Variants in DCBLD2 observed in about 807,000 individuals in gnomAD.
The protein encoded by DCBLD2 is discoidin, CUB and LCCL domain-containing protein 2.
DCBLD2 carries 54 observed loss-of-function variants against 86.8 expected under a neutral mutation model. That is an observed-to-expected ratio of 0.62 (90% CI 0.50 to 0.78). DCBLD2 has a LOEUF of 0.78. Ranked by LOEUF, DCBLD2 falls within the 30% of genes least tolerant of loss-of-function variation. The probability of loss-of-function intolerance (pLI) is 0.00; values close to 1 mark genes in which losing one functional copy is unlikely to be tolerated. For missense variants in DCBLD2, 908 were observed against 954.2 expected (o/e 0.95, Z 0.64); for synonymous variants, 354 against 341.3 (o/e 1.04, Z -0.41).
chr3:98,886,657 T>C (rs1163241316), intron 1 of DCBLD2, among the ~76,000 whole-genome samples: 2 of 151,998 alleles, frequency 1.3e-5, no homozygotes, highest in African/African-American at 2.4e-5. Context: ...CAGCTAAGAA[T>C]AAACACTGGA....
At chr3:98,851,293 C>T (rs192752587) in intron 2 of DCBLD2, among the ~76,000 whole-genome samples, 34 of 151,232 alleles carry the variant, frequency 2.2e-4, no homozygotes, top group Admixed American at 1.8e-3. Flanking sequence ...CATTCCTATA[C>T]ACCAATAACA....
At chr3:98,862,276 A>T (rs1943058199) in intron 2 of DCBLD2, among the ~76,000 whole-genome samples, 1 of 152,198 alleles carries the variant, frequency 6.6e-6, no homozygotes, top group South Asian at 2.1e-4. Context: ...TCACAGCCAA[A>T]TTCTACCAGA....
chr3:98,845,136 A>G lies in DCBLD2; in HGVS notation c.571+4325T>C, dbSNP rs377496865. ...ACTTTTCCTTTCACTATCTTTCAAA[A>G]ATGAGGTTTATAGGTGAAAATGGAA... On this transcript the variant is annotated intron_variant, in intron 3 of 15. Transcript: ENST00000326840. 3.3e-5 allele frequency among the ~76,000 whole-genome samples: 5 copies of G among 152,226 alleles called. No individual in the cohort carries two copies. The East Asian group carries it at 5.8e-4, about 18-fold the overall frequency.
chr3:98,842,475 T>G (rs1386087891), intron 3 of DCBLD2, among the ~76,000 whole-genome samples: 1 of 152,220 alleles, frequency 6.6e-6, no homozygotes, highest in Non-Finnish European at 1.5e-5. Flanking sequence ...TAATTTATAG[T>G]GATTCAGAGC....
intron 2 of DCBLD2, among the ~76,000 whole-genome samples, chr3:98,863,168 T>G (rs1943077682): frequency 6.6e-6 from 1 of 152,166 alleles, no homozygotes; most frequent in Non-Finnish European, 1.5e-5. Context: ...TTACAAGGGA[T>G]GTGAAGGACC....
At chr3:98,900,767 G>A in intron 1 of DCBLD2, 1 of 323,022 alleles carries the variant, frequency 3.1e-6, no homozygotes, top group Non-Finnish European at 5.9e-6. Context: ...CCTTCCTACA[G>A]TGTCCATCCA....
Position 98,849,467 on chromosome 3 carries a change from T to C in DCBLD2, c.565A>G (p.Lys189Glu), listed in dbSNP as rs755096057. ...GFLASYSVIDKQDLITCLDTA... is the reference protein window; with the variant it reads ...GFLASYSVIDEQDLITCLDTA... ...TGCAAAAGGTGAAAATTACCTTGTT[T>C]ATCTATAACAGAGTATGAGGCCAAA... is the stretch of plus-strand genomic sequence containing the variant. The change falls in exon 3 of 16, where the codon AAA becomes GAA. Residue 189 changes from lysine to glutamate, a missense_variant. Around this residue, in one of 3 missense-constraint regions of DCBLD2, gnomAD observed 294 missense variants for 256.0 expected, o/e 1.15. Transcript: ENST00000326840. The C allele has an allele frequency of 1.9e-6, 3 of 1,613,942 alleles. No homozygotes were observed. The highest frequency in any genetic ancestry group is 2.2e-5 in the East Asian group (1 of 44,856).
At chr3:98,854,865 T>C (rs947927586) in intron 2 of DCBLD2, among the ~76,000 whole-genome samples, 7 of 152,284 alleles carry the variant, frequency 4.6e-5, no homozygotes, top group East Asian at 3.9e-4. Flanking sequence ...TCTGGATGGA[T>C]TGAGGATAAT....
intron 1 of DCBLD2, among the ~76,000 whole-genome samples, chr3:98,897,772 T>C (rs1209986721): frequency 2.6e-5 from 4 of 152,144 alleles, no homozygotes; most frequent in Admixed American, 1.3e-4. Context: ...TCAGGCTTAA[T>C]GGTTTTTAAG....
intron 2 of DCBLD2, among the ~76,000 whole-genome samples, chr3:98,860,823 G>A (rs1327926283): frequency 1.3e-5 from 2 of 152,088 alleles, no homozygotes; most frequent in East Asian, 3.9e-4. Context: ...CAACTAACAA[G>A]CAAAATAACC....
chr3:98,854,937 A>T (rs918962978), intron 2 of DCBLD2, among the ~76,000 whole-genome samples: 1 of 152,204 alleles, frequency 6.6e-6, no homozygotes, highest in Non-Finnish European at 1.5e-5. Flanking sequence ...CACGACCTAG[A>T]ACTGGGCAAA....
chr3:98,878,161 A>C (rs998754850), intron 2 of DCBLD2, among the ~76,000 whole-genome samples: 1 of 152,212 alleles, frequency 6.6e-6, no homozygotes, highest in African/African-American at 2.4e-5. Context: ...AGAGTCTCCC[A>C]ATCAGACATG....
intron 3 of DCBLD2, among the ~76,000 whole-genome samples, chr3:98,837,026 G>T (rs866646067): frequency 0.028 from 1,700 of 60,354 alleles, 27 homozygotes; most frequent in Middle Eastern, 0.089. Context: ...CTCCCGGACG[G>T]GGCGGCTGGC....
chr3:98,873,863 G>A (rs1943320705), intron 2 of DCBLD2, among the ~76,000 whole-genome samples: 1 of 151,978 alleles, frequency 6.6e-6, no homozygotes, highest in African/African-American at 2.4e-5. Context: ...AAAAGAGGGT[G>A]GGAAGCATAA....
At chr3:98,876,412 T>TAAAAAA (rs60681986) in intron 2 of DCBLD2, among the ~76,000 whole-genome samples, 3 of 47,532 alleles carry the variant, frequency 6.3e-5, no homozygotes, top group African/African-American at 2.1e-4. Context: ...AGATAAAAAG[T>TAAAAAA]AAAAAAAAAA....
At chr3:98,874,763 C>T (rs1257869217) in intron 2 of DCBLD2, among the ~76,000 whole-genome samples, 1 of 152,158 alleles carries the variant, frequency 6.6e-6, no homozygotes, top group East Asian at 1.9e-4. Flanking sequence ...AGAGAACCTG[C>T]TGTTTCTCTC....
chr3:98,884,922 T>G (rs914247272), intron 1 of DCBLD2, among the ~76,000 whole-genome samples: 1 of 152,088 alleles, frequency 6.6e-6, no homozygotes, highest in Admixed American at 6.6e-5. Context: ...TTACAAAGAG[T>G]ACACGCAGAG....
chr3:98,890,328 T>C (rs1943635891), intron 1 of DCBLD2: 1 of 151,978 alleles, frequency 6.6e-6, no homozygotes, highest in African/African-American at 2.4e-5. Context: ...GAGTGATATA[T>C]TAAAAGCCAA....
At chr3:98,876,810 G>A (rs1943380212) in intron 2 of DCBLD2, among the ~76,000 whole-genome samples, 2 of 152,158 alleles carry the variant, frequency 1.3e-5, no homozygotes, top group South Asian at 4.1e-4. Flanking sequence ...ACATCCACAT[G>A]ATGGAGTTCT....
Sources: gnomAD v4.1 joint callset for allele counts (sites outside exome capture counted in the v4.1 genomes callset) on GRCh38, gnomAD v4.1.1 for gene constraint, gnomAD v4.1.1 regional missense constraint, MANE v1.5 for transcripts, NCBI Gene and HGNC (gene_info 2026-07-23, HGNC 2026-07-21) for gene names.